SCUBE3: variants seen among roughly 807,000 people sequenced by gnomAD.
SCUBE3 encodes signal peptide, CUB and EGF-like domain-containing protein 3.
Under a neutral mutation model 116.8 loss-of-function variants are expected in SCUBE3, and 33 were observed. That is an observed-to-expected ratio of 0.28 (90% CI 0.21 to 0.38). SCUBE3 has a LOEUF of 0.38. Among genes scored for constraint, SCUBE3 ranks in the 10% least tolerant of loss-of-function variants. The pLI is 1.00. For missense variants in SCUBE3, 1,007 were observed against 1,324.8 expected, an observed-to-expected ratio of 0.76 and a Z score of 3.72; for synonymous variants, 418 against 496.9, an observed-to-expected ratio of 0.84 and a Z score of 2.11.
At position 35,245,823 on chromosome 6, in the gene SCUBE3, G is replaced by T; in HGVS notation, c.2600-121G>T. On this transcript the variant is annotated intron_variant, in intron 19 of 21. Coordinates refer to ENST00000274938, the MANE Select transcript of SCUBE3 (RefSeq NM_152753.4). This position sits in a 1 kb window ranked among gnomAD's most constrained non-coding sequence, Gnocchi z 4.2. ...GGTAGGGTGTGTGTATGCGAAGGGG[G>T]AGCCTTTGTCAGAATGATTCTCTTG... 1.9e-6 allele frequency: 2 copies of T among 1,048,746 alleles called. No homozygotes were observed. The highest frequency in any genetic ancestry group is 2.4e-5 in the East Asian group (1 of 42,006). 65.0% of individuals were successfully genotyped at this position (1,048,746 alleles called of 1,614,324 possible). A position where few individuals can be genotyped will look rare whatever the true frequency, so the allele number is the denominator to read the frequency against.
rs944538889 is a variant in SCUBE3, at chr6:35,245,634, AGCAGTGGG to A, written c.2599+212_2599+219del. Among the ~76,000 whole-genome samples the A allele has an allele frequency of 1.3e-5, 2 of 152,254 alleles. No individual in the cohort carries two copies. The highest frequency in any genetic ancestry group is 2.4e-5 in the African/African-American group (1 of 41,454). On this transcript the variant is annotated intron_variant, in intron 19 of 21. Transcript: ENST00000274938. The surrounding 1 kb of genome is among the most constrained non-coding windows in gnomAD (Gnocchi z 4.2). The stretch of plus-strand genomic sequence containing the variant: ...GGTAGAAAACAGAGTTAAGAAAGCT[AGCAGTGGG>A]GCTAGAACTCCAATGGCGTTACATG...
chr6:35,218,200 TGA>T, intron 1 of SCUBE3: 3 of 969,304 alleles, frequency 3.1e-6, no homozygotes, highest in Non-Finnish European at 2.5e-6. Context: ...GCCCTGGGTG[TGA>T]GTTTGGGAAT....
Position 35,239,951 on chromosome 6 carries a change from A to C in SCUBE3, c.952+77A>C. 7.6e-7 allele frequency: 1 copy of C among 1,320,602 alleles called. No homozygotes were observed. Among genetic ancestry groups the C allele is most frequent in the Non-Finnish European group, 1.0e-6 (1 of 976,928 alleles). 81.8% of individuals were successfully genotyped at this position (1,320,602 alleles called of 1,614,324 possible). On this transcript the variant is annotated intron_variant, in intron 8 of 21. Coordinates refer to ENST00000274938, the MANE Select transcript of SCUBE3 (RefSeq NM_152753.4). The surrounding 1 kb of genome is among the most constrained non-coding windows in gnomAD (Gnocchi z 4.1). ...AGCTTCAAGGAGGCCAGAGGGCTAA[A>C]GTCTTAGAAACTCAATAGATATCAC...
chr6:35,227,726 GGA>G (rs1451426203), intron 2 of SCUBE3, 24 bp downstream of exon 2: 2 of 1,613,690 alleles, frequency 1.2e-6, no homozygotes, highest in Non-Finnish European at 1.7e-6. Context: ...GGCACCTGGA[GGA>G]GAGGGACCTG....
intron 12 of SCUBE3, 127 bp downstream of exon 12, chr6:35,242,037 C>A: frequency 1.2e-6 from 1 of 863,850 alleles, no homozygotes; most frequent in Admixed American, 1.8e-5. Flanking sequence ...AATTCTCCAA[C>A]CCTGCTCCCT....
rs759807047 is a variant in SCUBE3, at chr6:35,244,145, C to T, written c.2239+15C>T. On this transcript the variant is annotated intron_variant, in intron 17 of 21. Transcript: ENST00000274938. The surrounding 1 kb of genome is among the most constrained non-coding windows in gnomAD (Gnocchi z 4.3). ...TGACACCAAAGGTGAGTAAGCTACTCACCTCCCTGGGGGATGCCCCAACCC... is the reference window on the plus strand; with the variant it reads ...TGACACCAAAGGTGAGTAAGCTACTTACCTCCCTGGGGGATGCCCCAACCC... 5.6e-6 allele frequency: 9 copies of T among 1,608,742 alleles called. No homozygotes were observed. Among genetic ancestry groups the T allele is most frequent in the East Asian group, 4.5e-5 (2 of 44,778 alleles).
chr6:35,218,065 G>A (rs1782993929), intron 1 of SCUBE3: 1 of 866,968 alleles, frequency 1.2e-6, no homozygotes, highest in Non-Finnish European at 1.4e-6. Flanking sequence ...AATTACTGCA[G>A]GCAGAGAAAG....
rs1171181623 is a variant in SCUBE3 at position 35,251,317 on chromosome 6, ATT to A, written c.*2616_*2617del. The A allele has an allele frequency of 6.6e-6, 1 of 151,872 alleles. No homozygotes were observed. Among genetic ancestry groups the A allele is most frequent in the African/African-American group, 2.4e-5 (1 of 41,308 alleles). 9.4% of individuals were successfully genotyped at this position (151,872 alleles called of 1,614,324 possible). ...AGGCATGCGCCACCGCGCCCAGCTA[ATT>A]TTTGTATTTTTAGTAGAGATGGGGT... On this transcript the variant is annotated 3_prime_UTR_variant, in exon 22 of 22. Transcript: ENST00000274938.
In SCUBE3 at chr6:35,214,433, C is replaced by A; in HGVS notation, c.15C>A (p.Arg5=). The A allele has an allele frequency of 6.8e-7, 1 of 1,474,248 alleles. No individual in the cohort carries two copies. The allele number at this position is 1,474,248 out of a possible 1,614,324, so 91.3% of individuals were successfully genotyped here. A position where few individuals can be genotyped will look rare whatever the true frequency, so the allele number is the denominator to read the frequency against. ...TAGCTCCAGCCATGGGCTCGGGGCG[C>A]GTACCCGGGCTCTGCCTGCTTGTCC... MGSG[R]VPGLCLLVLL... is the part of the protein sequence containing the mutation. Residue 5 remains arginine, a synonymous_variant, in exon 1 of 22, where the codon CGC becomes CGA. Transcript: ENST00000274938. This position sits in a 1 kb window ranked among gnomAD's most constrained non-coding sequence, Gnocchi z 6.3.
rs977942899 is a variant in SCUBE3, at chr6:35,233,523, C to T, written c.712+222C>T. ...TCCCCTCCCCATCCCAGTGGTTTTA[C>T]CACCCTGTTCCAGGAGCCTCACCAC... On this transcript the variant is annotated intron_variant, in intron 6 of 21. Transcript: ENST00000274938. The surrounding 1 kb of genome is among the most constrained non-coding windows in gnomAD (Gnocchi z 5.7). Among the ~76,000 whole-genome samples, 3 of 152,206 alleles carry T rather than the reference C, an allele frequency of 2.0e-5. No homozygotes were observed. Among genetic ancestry groups the T allele is most frequent in the Non-Finnish European group, 4.4e-5 (3 of 68,026 alleles).
In SCUBE3 at chr6:35,239,492, T is replaced by A. The variant is rs1292404132; in HGVS notation, c.830-260T>A. Among the ~76,000 whole-genome samples, 2 of 151,998 alleles carry A rather than the reference T, an allele frequency of 1.3e-5. No individual in the cohort carries two copies. Among genetic ancestry groups the A allele is most frequent in the Non-Finnish European group, 2.9e-5 (2 of 68,020 alleles). On this transcript the variant is annotated intron_variant, in intron 7 of 21. Coordinates refer to ENST00000274938, the MANE Select transcript of SCUBE3 (RefSeq NM_152753.4). The surrounding 1 kb of genome is among the most constrained non-coding windows in gnomAD (Gnocchi z 4.1). ...TGTTCCTAGTTTTGGTTCCAATTTGTCCCCTTATAAGAACACTCAATCCCA... is the reference window on the plus strand; with the variant it reads ...TGTTCCTAGTTTTGGTTCCAATTTGACCCCTTATAAGAACACTCAATCCCA...
chr6:35,244,153 TG>T lies in SCUBE3; in HGVS notation c.2239+28del. The T allele has an allele frequency of 6.2e-7, 1 of 1,600,638 alleles. No homozygotes were observed. Among genetic ancestry groups the T allele is most frequent in the Non-Finnish European group, 8.5e-7 (1 of 1,170,980 alleles). On this transcript the variant is annotated intron_variant, in intron 17 of 21. Coordinates refer to ENST00000274938, the MANE Select transcript of SCUBE3 (RefSeq NM_152753.4). The surrounding 1 kb of genome is among the most constrained non-coding windows in gnomAD (Gnocchi z 4.3). The stretch of plus-strand genomic sequence containing the variant: ...AAGGTGAGTAAGCTACTCACCTCCC[TG>T]GGGGATGCCCCAACCCCAACTACTC...
At position 35,245,022 on chromosome 6, in the gene SCUBE3, G is replaced by A. The variant is rs904654676; in HGVS notation, c.2402-206G>A. On this transcript the variant is annotated intron_variant, in intron 18 of 21. Transcript: ENST00000274938. The surrounding 1 kb of genome is among the most constrained non-coding windows in gnomAD (Gnocchi z 4.2). ...CCTCTCCCTGGAGACAGTTAATGAGGAAGCAGAGACAGGTGAAGTGAGAAG... is the reference window on the plus strand; with the variant it reads ...CCTCTCCCTGGAGACAGTTAATGAGAAAGCAGAGACAGGTGAAGTGAGAAG... Among the ~76,000 whole-genome samples, 4 of 152,184 alleles carry A rather than the reference G, an allele frequency of 2.6e-5. No homozygotes were observed. Among genetic ancestry groups the A allele is most frequent in the Non-Finnish European group, 5.9e-5 (4 of 68,030 alleles).
Position 35,243,899 on chromosome 6 carries a change from G to A in SCUBE3, c.2072-64G>A, listed in dbSNP as rs987269573. Reference sequence around the variant, plus strand: ...TTGTATACCTTTGTCCCCTGAGATCGGGTGACCCCATGGGGATGACTCAGG... The same window carrying A: ...TTGTATACCTTTGTCCCCTGAGATCAGGTGACCCCATGGGGATGACTCAGG... On this transcript the variant is annotated intron_variant, in intron 16 of 21. Transcript: ENST00000274938. This position sits in a 1 kb window ranked among gnomAD's most constrained non-coding sequence, Gnocchi z 6.6. 16 of 1,555,244 alleles carry A rather than the reference G, an allele frequency of 1.0e-5. No homozygotes were observed. The highest frequency in any genetic ancestry group is 4.6e-5 in the South Asian group (4 of 86,392).
rs115040088 is a variant in SCUBE3, at chr6:35,214,580, G to A, written c.85+77G>A. 3 of 942,230 alleles carry A rather than the reference G, an allele frequency of 3.2e-6. No homozygotes were observed. Among genetic ancestry groups the A allele is most frequent in the Non-Finnish European group, 4.4e-6 (3 of 683,074 alleles). 58.4% of individuals were successfully genotyped at this position (942,230 alleles called of 1,614,324 possible). A position where few individuals can be genotyped will look rare whatever the true frequency, so the allele number is the denominator to read the frequency against. ...AGGGCCTAGGAGCGATTCCCGAGGGGCAGGGCAGGTGCTGGGGAGCGTGCT... is the reference window on the plus strand; with the variant it reads ...AGGGCCTAGGAGCGATTCCCGAGGGACAGGGCAGGTGCTGGGGAGCGTGCT... On this transcript the variant is annotated intron_variant, in intron 1 of 21. Transcript: ENST00000274938. The surrounding 1 kb of genome is among the most constrained non-coding windows in gnomAD (Gnocchi z 6.3).
chr6:35,241,313 G>C lies in SCUBE3; in HGVS notation c.1195+47G>C. The C allele has an allele frequency of 6.4e-7, 1 of 1,559,422 alleles. No homozygotes were observed. The highest frequency in any genetic ancestry group is 8.7e-7 in the Non-Finnish European group (1 of 1,145,458). On this transcript the variant is annotated intron_variant, in intron 10 of 21. Transcript: ENST00000274938. The surrounding 1 kb of genome is among the most constrained non-coding windows in gnomAD (Gnocchi z 4.1). ...CCAAAGATGACACTGCCATTTCAGGGAGCAGTTGGGGTTCTGGAAAGCATA... is the reference window on the plus strand; with the variant it reads ...CCAAAGATGACACTGCCATTTCAGGCAGCAGTTGGGGTTCTGGAAAGCATA...
Position 35,237,929 on chromosome 6 carries a change from G to T in SCUBE3, c.740G>T (p.Cys247Phe), listed in dbSNP as rs1204057072. The T allele has an allele frequency of 2.5e-6, 4 of 1,612,192 alleles. No homozygotes were observed. The highest frequency in any genetic ancestry group is 3.4e-6 in the Non-Finnish European group (4 of 1,178,294). ...ACCTGTGCTGTCAACAACGGGGGCT[G>T]TGACAGTAAGTGCCATGATGCAGCG... Reference protein sequence around the residue: ...IETCAVNNGGCDSKCHDAATG... With the variant: ...IETCAVNNGGFDSKCHDAATG... Residue 247 changes from cysteine to phenylalanine, a missense_variant, in exon 7 of 22, where the codon TGT becomes TTT. Transcript: ENST00000274938.
chr6:35,246,330 T>C, intron 21 of SCUBE3, 45 bp downstream of exon 21: 1 of 1,372,016 alleles, frequency 7.3e-7, no homozygotes, highest in Non-Finnish European at 1.0e-6. Flanking sequence ...TTAATAAGCA[T>C]GTAACAATAT....
intron 2 of SCUBE3, 126 bp downstream of exon 2, chr6:35,227,828 G>T (rs934420792): frequency 1.9e-5 from 19 of 1,001,014 alleles, no homozygotes; most frequent in Non-Finnish European, 2.4e-5. Flanking sequence ...TGGTGGGGGG[G>T]TGGTGAGGGG....
Sources: gnomAD v4.1 joint callset for allele counts (sites outside exome capture counted in the v4.1 genomes callset) on GRCh38, gnomAD v4.1.1 for gene constraint, Gnocchi (gnomAD v3.1) non-coding constraint, MANE v1.5 for transcripts, NCBI Gene and HGNC (gene_info 2026-07-23, HGNC 2026-07-21) for gene names.